Variants in WDR17 observed in about 807,000 individuals in gnomAD.
WDR17 encodes WD repeat domain 17.
Under a neutral mutation model 161.7 loss-of-function variants are expected in WDR17, and 143 were observed. That is an observed-to-expected ratio of 0.88 (90% CI 0.77 to 1.02). WDR17 has a LOEUF of 1.02. Ranked by LOEUF, WDR17 falls within the 50% of genes least tolerant of loss-of-function variation. The pLI is 0.00. For synonymous variants in WDR17, 517 were observed against 515.6 expected (o/e 1.00, Z -0.04); for missense variants, 1,469 against 1,520.9 (o/e 0.97, Z 0.57).
At chr4:176,085,707 A>T (rs986512710) in intron 1 of WDR17, among the ~76,000 whole-genome samples, 5 of 152,136 alleles carry the variant, frequency 3.3e-5, no homozygotes, top group Admixed American at 2.6e-4. Flanking sequence ...TTTCTTGATC[A>T]GTCCTTCTGT....
At chr4:176,075,286 G>C (rs1405057140) in intron 1 of WDR17, among the ~76,000 whole-genome samples, 3 of 151,810 alleles carry the variant, frequency 2.0e-5, no homozygotes, top group African/African-American at 7.3e-5. Flanking sequence ...AATATTGTGA[G>C]TCGATTTTTC....
intron 1 of WDR17, among the ~76,000 whole-genome samples, chr4:176,090,256 T>TTAA (rs1408115976): frequency 8.7e-4 from 115 of 132,494 alleles, no homozygotes; most frequent in Non-Finnish European, 1.4e-3. Context: ...CTGGTTGTTT[T>TTAA]AAAAAAAAAA....
At chr4:176,121,425 C>G (rs951351806) in intron 4 of WDR17, among the ~76,000 whole-genome samples, 4 of 150,326 alleles carry the variant, frequency 2.7e-5, no homozygotes, top group African/African-American at 1.0e-4. Flanking sequence ...CTGTGTGGTT[C>G]CTCCTCTTAC....
At position 176,132,428 on chromosome 4, in the gene WDR17, CT is replaced by C. The variant is rs1363695087; in HGVS notation, c.1098+695del. ...TTAGAGTTTCTAAAAATGTCCCTGT[CT>C]TTTTCCACTGGTTTGAATTAGACTA... On this transcript the variant is annotated intron_variant, in intron 7 of 28. Coordinates refer to ENST00000508596, the MANE Select transcript of WDR17 (RefSeq NM_181265.4). Among the ~76,000 whole-genome samples the C allele has an allele frequency of 2.0e-5, 3 of 152,012 alleles. No homozygotes were observed. The South Asian group carries it at 6.2e-4, about 32-fold the overall frequency.
intron 8 of WDR17, among the ~76,000 whole-genome samples, chr4:176,136,172 G>A (rs1188244411): frequency 6.6e-6 from 1 of 151,624 alleles, no homozygotes; most frequent in East Asian, 1.9e-4. Flanking sequence ...ACTGCTTTAT[G>A]TATCCTTCAT....
chr4:176,165,949 C>T (rs556076187), intron 22 of WDR17, among the ~76,000 whole-genome samples: 21 of 152,166 alleles, frequency 1.4e-4, no homozygotes, highest in African/African-American at 4.3e-4. Flanking sequence ...AGCTGTAATC[C>T]TCCTGGCTAT....
At chr4:176,090,005 T>G (rs1262922742) in intron 1 of WDR17, among the ~76,000 whole-genome samples, 4 of 152,138 alleles carry the variant, frequency 2.6e-5, no homozygotes, top group Non-Finnish European at 5.9e-5. Flanking sequence ...TATTAAATAC[T>G]GATAATTTAA....
chr4:176,078,912 T>C (rs2126583489), intron 1 of WDR17, among the ~76,000 whole-genome samples: 1 of 152,204 alleles, frequency 6.6e-6, no homozygotes, highest in East Asian at 1.9e-4. Flanking sequence ...TATTTGAAAA[T>C]ATATAATAAA....
chr4:176,116,277 A>G (rs941143748), intron 3 of WDR17, among the ~76,000 whole-genome samples: 8 of 151,870 alleles, frequency 5.3e-5, no homozygotes, highest in African/African-American at 1.9e-4. Flanking sequence ...AATAATAATC[A>G]GAAAGATTTT....
intron 21 of WDR17, among the ~76,000 whole-genome samples, chr4:176,162,620 G>T (rs1195034630): frequency 1.3e-5 from 2 of 151,776 alleles, no homozygotes; most frequent in Admixed American, 6.6e-5. Flanking sequence ...ATATTTGTTA[G>T]GATTATAAGA....
chr4:176,117,637 C>T (rs1295182990), intron 3 of WDR17, among the ~76,000 whole-genome samples: 3 of 151,978 alleles, frequency 2.0e-5, no homozygotes, highest in Admixed American at 6.6e-5. Context: ...CTATATGCAC[C>T]ATAGTTTCTT....
At chr4:176,086,002 T>C (rs1735375676) in intron 1 of WDR17, among the ~76,000 whole-genome samples, 1 of 152,044 alleles carries the variant, frequency 6.6e-6, no homozygotes, top group Non-Finnish European at 1.5e-5. Context: ...GTTTAGACTT[T>C]GCTATTTAGT....
intron 1 of WDR17, 98 bp from the exon 2 acceptor site, chr4:176,111,477 G>T: frequency 7.5e-7 from 1 of 1,333,192 alleles, no homozygotes; most frequent in South Asian, 1.9e-5. Context: ...ATGTTTTTCA[G>T]GGCACACAGG....
intron 5 of WDR17, among the ~76,000 whole-genome samples, chr4:176,125,918 G>A (rs1438275508): frequency 6.6e-6 from 1 of 152,220 alleles, no homozygotes. Flanking sequence ...CAGGAGCATG[G>A]CACAGGCATC....
intron 1 of WDR17, among the ~76,000 whole-genome samples, chr4:176,109,757 G>A (rs1739397519): frequency 6.6e-6 from 1 of 152,196 alleles, no homozygotes; most frequent in Non-Finnish European, 1.5e-5. Flanking sequence ...GGTTCAGGGT[G>A]TACACTGAAC....
intron 17 of WDR17, 147 bp from the exon 18 acceptor site, chr4:176,155,932 A>G: frequency 3.0e-6 from 2 of 662,766 alleles, no homozygotes; most frequent in Non-Finnish European, 4.9e-6. Flanking sequence ...CGGAACAAAA[A>G]GAAGTCAGAA....
intron 18 of WDR17, 134 bp from the exon 19 acceptor site, chr4:176,159,860 C>G (rs138446821): frequency 1.3e-6 from 1 of 765,100 alleles, no homozygotes; most frequent in Non-Finnish European, 1.9e-6. Context: ...TATAAAATGT[C>G]TTTTTTAAAA....
intron 6 of WDR17, among the ~76,000 whole-genome samples, chr4:176,129,192 T>TG (rs1463331948): frequency 1.3e-5 from 2 of 152,114 alleles, no homozygotes; most frequent in Admixed American, 1.3e-4. Flanking sequence ...TAAGATTATC[T>TG]GAACTGGGAG....
chr4:176,149,104 C>T (rs1021260145), intron 13 of WDR17, among the ~76,000 whole-genome samples: 4 of 152,218 alleles, frequency 2.6e-5, no homozygotes, highest in Middle Eastern at 3.4e-3. Flanking sequence ...TTAACTAGAA[C>T]GTCATCTGCC....
Sources: gnomAD v4.1 joint callset for allele counts (sites outside exome capture counted in the v4.1 genomes callset) on GRCh38, gnomAD v4.1.1 for gene constraint, MANE v1.5 for transcripts, NCBI Gene and HGNC (gene_info 2026-07-23, HGNC 2026-07-21) for gene names.